Variants in TENM4 observed in about 807,000 individuals in gnomAD.
TENM4 encodes the protein teneurin-4.
Under a neutral mutation model 243.3 loss-of-function variants are expected in TENM4, and 82 were observed. The observed-to-expected ratio is 0.34, with a 90% confidence interval of 0.28 to 0.40. TENM4 has a LOEUF of 0.40. Among genes scored for constraint, TENM4 ranks in the 10% least tolerant of loss-of-function variants. The pLI, the probability that TENM4 is intolerant of heterozygous loss-of-function variation, is 1.00. For missense variants in TENM4, 3,138 were observed against 3,673.3 expected (o/e 0.85, Z 3.77); for synonymous variants, 1,412 against 1,456.3 (o/e 0.97, Z 0.69).
intron 2 of TENM4, among the ~76,000 whole-genome samples, chr11:79,228,130 G>A (rs1017536967): frequency 5.3e-5 from 8 of 152,206 alleles, no homozygotes; most frequent in Non-Finnish European, 1.0e-4. Context: ...CCGGGACTGA[G>A]AAAGAGACAA....
At chr11:79,225,924 C>A (rs940807047) in intron 2 of TENM4, among the ~76,000 whole-genome samples, 1 of 152,126 alleles carries the variant, frequency 6.6e-6, no homozygotes, top group Non-Finnish European at 1.5e-5. Flanking sequence ...ATGAATGGAT[C>A]CATGTACTGG....
At position 79,400,887 on chromosome 11, in the gene TENM4, G is replaced by A. The variant is rs1490892839; in HGVS notation, c.-321+39622C>T. 1.3e-5 allele frequency among the ~76,000 whole-genome samples: 2 copies of A among 152,208 alleles called. 1 individual carries two copies. The highest frequency in any genetic ancestry group is 1.3e-4 in the Admixed American group (2 of 15,284). On this transcript the variant is annotated intron_variant, in intron 1 of 33. Coordinates refer to ENST00000278550, the MANE Select transcript of TENM4 (RefSeq NM_001098816.3). ...AGGTACACTCAGCTCCAGAGAACTG[G>A]AGATAGCCCTGCATGCCATGACCTA...
At chr11:78,926,233 G>A (rs1417407472) in intron 6 of TENM4, among the ~76,000 whole-genome samples, 2 of 151,664 alleles carry the variant, frequency 1.3e-5, no homozygotes, top group African/African-American at 4.8e-5. Flanking sequence ...GTCTCCTGGG[G>A]AGTGAGACTT....
intron 1 of TENM4, among the ~76,000 whole-genome samples, chr11:79,433,614 C>T (rs1057091618): frequency 1.3e-5 from 2 of 152,164 alleles, no homozygotes; most frequent in South Asian, 2.1e-4. Context: ...TAACCAATTG[C>T]CTCTGATACC....
intron 25 of TENM4, among the ~76,000 whole-genome samples, chr11:78,713,544 T>C (rs1859449375): frequency 6.6e-6 from 1 of 152,150 alleles, no homozygotes; most frequent in South Asian, 2.1e-4. Context: ...ACAGTCTGGG[T>C]TCCAAGTCTA....
At chr11:78,823,321 C>T (rs1396463386) in intron 12 of TENM4, among the ~76,000 whole-genome samples, 2 of 152,234 alleles carry the variant, frequency 1.3e-5, no homozygotes, top group South Asian at 2.1e-4. Context: ...CCACTGCCCA[C>T]AGCTGATTGG....
At chr11:79,340,829 T>C (rs1419618890) in intron 1 of TENM4, among the ~76,000 whole-genome samples, 1 of 151,978 alleles carries the variant, frequency 6.6e-6, no homozygotes, top group East Asian at 1.9e-4. Flanking sequence ...GGCTGAAAAA[T>C]GAGCCTCCCC....
intron 1 of TENM4, among the ~76,000 whole-genome samples, chr11:79,392,715 C>T (rs1036978231): frequency 9.9e-5 from 15 of 152,214 alleles, no homozygotes; most frequent in African/African-American, 3.6e-4. Flanking sequence ...GGGCAAGCTA[C>T]AGAGCCCCTC....
chr11:79,433,535 A>C (rs1331815942), intron 1 of TENM4, among the ~76,000 whole-genome samples: 1 of 152,236 alleles, frequency 6.6e-6, no homozygotes, highest in Non-Finnish European at 1.5e-5. Context: ...CACTCATCCC[A>C]CAGCGAGAAA....
intron 9 of TENM4, among the ~76,000 whole-genome samples, chr11:78,888,527 G>A (rs532177410): frequency 2.6e-5 from 4 of 152,198 alleles, no homozygotes; most frequent in Non-Finnish European, 5.9e-5. Flanking sequence ...AATCTTGAGT[G>A]GAATTGACCT....
intron 3 of TENM4, among the ~76,000 whole-genome samples, chr11:79,211,515 G>A (rs556114689): frequency 6.6e-6 from 1 of 152,214 alleles, no homozygotes; most frequent in East Asian, 1.9e-4. Flanking sequence ...TTTTCATTCT[G>A]GCTTTCTTAT....
intron 1 of TENM4, among the ~76,000 whole-genome samples, chr11:79,436,629 C>G (rs923546529): frequency 6.6e-6 from 1 of 152,184 alleles, no homozygotes; most frequent in East Asian, 1.9e-4. Flanking sequence ...TCACTCCACT[C>G]ACTATAGAAC....
intron 4 of TENM4, among the ~76,000 whole-genome samples, chr11:79,099,810 G>A (rs558788115): frequency 9.2e-5 from 14 of 152,320 alleles, no homozygotes; most frequent in African/African-American, 3.1e-4. Context: ...CTGTCACCAC[G>A]TGGCTCTTGT....
intron 6 of TENM4, among the ~76,000 whole-genome samples, chr11:78,986,867 C>CA: frequency 6.6e-6 from 1 of 152,344 alleles, no homozygotes; most frequent in East Asian, 1.9e-4. Context: ...AGTGACCCCA[C>CA]TCGGCTGGTC....
intron 6 of TENM4, among the ~76,000 whole-genome samples, chr11:78,992,577 A>G (rs1858073097): frequency 6.6e-6 from 1 of 152,228 alleles, no homozygotes; most frequent in Non-Finnish European, 1.5e-5. Flanking sequence ...TGCCGAAGAT[A>G]GTTTTGATGT....
intron 4 of TENM4, among the ~76,000 whole-genome samples, chr11:79,072,589 CAA>C (rs1860443045): frequency 6.6e-6 from 1 of 152,084 alleles, no homozygotes; most frequent in Non-Finnish European, 1.5e-5. Context: ...AAAAGATTCA[CAA>C]AAGTTATTGC....
At chr11:79,221,073 G>T (rs771635492) in intron 2 of TENM4, 14 of 152,154 alleles carry the variant, frequency 9.2e-5, no homozygotes, top group Non-Finnish European at 1.8e-4. Context: ...ATCCTCCCAG[G>T]CCTCTGGACA....
At chr11:79,225,416 C>T (rs1447977082) in intron 2 of TENM4, among the ~76,000 whole-genome samples, 1 of 152,032 alleles carries the variant, frequency 6.6e-6, no homozygotes, top group Non-Finnish European at 1.5e-5. Context: ...GGTATTATGT[C>T]CTCCTGCTTT....
At chr11:79,373,884 C>T (rs887937688) in intron 1 of TENM4, among the ~76,000 whole-genome samples, 1 of 152,082 alleles carries the variant, frequency 6.6e-6, no homozygotes, top group Non-Finnish European at 1.5e-5. Flanking sequence ...AGCTCAAGGG[C>T]CTGATTACTA....
Sources: gnomAD v4.1 joint callset for allele counts (sites outside exome capture counted in the v4.1 genomes callset) on GRCh38, gnomAD v4.1.1 for gene constraint, MANE v1.5 for transcripts, NCBI Gene and HGNC (gene_info 2026-07-23, HGNC 2026-07-21) for gene names.